The following CPEB3 variants were observed in gnomAD, a reference collection of about 807,000 sequenced individuals.
CPEB3 encodes cytoplasmic polyadenylation element binding protein 3.
A neutral mutation model predicts 67.2 loss-of-function variants in CPEB3; 20 were observed. The observed-to-expected ratio is 0.30, with a 90% confidence interval of 0.21 to 0.43. CPEB3 has a LOEUF of 0.43. Among genes scored for constraint, CPEB3 ranks in the 20% least tolerant of loss-of-function variants. The pLI, the probability that CPEB3 is intolerant of heterozygous loss-of-function variation, is 1.00. For synonymous variants in CPEB3, 376 were observed against 393.1 expected, an observed-to-expected ratio of 0.96 and a Z score of 0.51; for missense variants, 746 against 968.6, an observed-to-expected ratio of 0.77 and a Z score of 3.05.
rs1483297711 is a variant in CPEB3 at position 92,049,280 on chromosome 10, GAGGTT to G, written c.*2927_*2931del. On this transcript the variant is annotated 3_prime_UTR_variant, in exon 10 of 10. Transcript: ENST00000265997. ...GTATTGCACATAACAACAAATAGTC[GAGGTT>G]AGGTTATAGCCTTCAAAAAATCGAC... 1 of 150,922 alleles carries G rather than the reference GAGGTT, an allele frequency of 6.6e-6. No individual in the cohort carries two copies. The highest frequency in any genetic ancestry group is 1.5e-5 in the Non-Finnish European group (1 of 67,866). The allele number at this position is 150,922 out of a possible 1,614,324, so 9.3% of individuals were successfully genotyped here. A position where few individuals can be genotyped will look rare whatever the true frequency, so the allele number is the denominator to read the frequency against.
intron 2 of CPEB3, among the ~76,000 whole-genome samples, chr10:92,232,294 A>G (rs1202074864): frequency 1.3e-5 from 2 of 151,358 alleles, no homozygotes; most frequent in South Asian, 2.1e-4. Flanking sequence ...ACCTCAGGTG[A>G]TACACCCACC....
chr10:92,197,771 A>G (rs955704268), intron 2 of CPEB3, among the ~76,000 whole-genome samples: 2 of 152,200 alleles, frequency 1.3e-5, no homozygotes, highest in African/African-American at 4.8e-5. Context: ...TATATGCATT[A>G]TCTCACAGCC....
Position 92,081,505 on chromosome 10 carries a change from C to CA in CPEB3, c.1688-5dup, listed in dbSNP as rs536165859. ...TCCATGATCATTGCCAGTTCAACTG[C>CA]AAAAAAAAAACAAAACATGGATGTG... On this transcript the variant is annotated splice_region_variant and splice_polypyrimidine_tract_variant and intron_variant, in intron 8 of 9. Coordinates refer to ENST00000265997, the MANE Select transcript of CPEB3 (RefSeq NM_014912.5). 21,683 of 1,155,230 alleles carry CA rather than the reference C, an allele frequency of 0.019. 1 individual carries two copies. The highest frequency in any genetic ancestry group is 0.02 in the Admixed American group (789 of 38,566). The allele number at this position is 1,155,230 out of a possible 1,614,324, so 71.6% of individuals were successfully genotyped here. A position where few individuals can be genotyped will look rare whatever the true frequency, so the allele number is the denominator to read the frequency against.
chr10:92,136,838 C>T (rs9787645), intron 6 of CPEB3: 41,413 of 153,472 alleles, frequency 0.27, 5,673 homozygotes, highest in Middle Eastern at 0.33. Context: ...GGATTATAAG[C>T]GTGAGCCACC....
At chr10:92,160,224 G>A (rs1010594272) in intron 4 of CPEB3, among the ~76,000 whole-genome samples, 1 of 151,854 alleles carries the variant, frequency 6.6e-6, no homozygotes, top group African/African-American at 2.4e-5. Flanking sequence ...GGATTACAGG[G>A]GTGAGCCACC....
intron 9 of CPEB3, among the ~76,000 whole-genome samples, chr10:92,059,450 C>T (rs1283655581): frequency 1.3e-5 from 2 of 148,946 alleles, no homozygotes; most frequent in Non-Finnish European, 3.0e-5. Flanking sequence ...ATAATGAAAA[C>T]ACAACATACC....
intron 4 of CPEB3, among the ~76,000 whole-genome samples, chr10:92,157,964 G>T (rs571895960): frequency 4.4e-4 from 67 of 150,888 alleles, no homozygotes; most frequent in Non-Finnish European, 7.7e-4. Flanking sequence ...ACACACACAG[G>T]TATAAATACA....
At chr10:92,171,570 G>A (rs1057122783) in intron 4 of CPEB3, among the ~76,000 whole-genome samples, 2 of 152,192 alleles carry the variant, frequency 1.3e-5, no homozygotes. Context: ...ACAAAGGAAG[G>A]GGGGTAGAAT....
chr10:92,095,600 A>AT (rs11404019), intron 7 of CPEB3, among the ~76,000 whole-genome samples: 7,173 of 123,036 alleles, frequency 0.058, 239 homozygotes, highest in Non-Finnish European at 0.067. Flanking sequence ...ATATATATAT[A>AT]TTTTTTTTTT....
chr10:92,277,865 T>C (rs1279965504), intron 1 of CPEB3, among the ~76,000 whole-genome samples: 1 of 151,698 alleles, frequency 6.6e-6, no homozygotes, highest in Non-Finnish European at 1.5e-5. Flanking sequence ...TACTCCAGCC[T>C]GGGGGACAGA....
intron 4 of CPEB3, among the ~76,000 whole-genome samples, chr10:92,176,752 A>G (rs4933718): frequency 1.3e-5 from 2 of 152,228 alleles, no homozygotes; most frequent in Non-Finnish European, 1.5e-5. Context: ...AGGCACCAGT[A>G]TCCTTTTCTA....
intron 2 of CPEB3, among the ~76,000 whole-genome samples, chr10:92,208,832 T>C (rs1285318380): frequency 6.6e-6 from 1 of 152,016 alleles, no homozygotes; most frequent in East Asian, 1.9e-4. Context: ...TGACCCCAAA[T>C]GATTCACCAG....
chr10:92,250,867 T>G (rs913103893), intron 1 of CPEB3, among the ~76,000 whole-genome samples: 54 of 144,740 alleles, frequency 3.7e-4, no homozygotes, highest in African/African-American at 1.2e-3. Flanking sequence ...AATTTTTTTT[T>G]TTTTTTTTTT....
intron 1 of CPEB3, among the ~76,000 whole-genome samples, chr10:92,253,065 C>A (rs1182683065): frequency 6.6e-6 from 1 of 151,730 alleles, no homozygotes; most frequent in African/African-American, 2.4e-5. Flanking sequence ...ATAGTAATTG[C>A]CTTTACAGGG....
At chr10:92,257,426 C>T (rs1347551816) in intron 1 of CPEB3, among the ~76,000 whole-genome samples, 1 of 152,128 alleles carries the variant, frequency 6.6e-6, no homozygotes, top group East Asian at 1.9e-4. Flanking sequence ...CCCCAAGTAG[C>T]TGGGATTACA....
At chr10:92,090,787 A>G (rs1187665681) in intron 8 of CPEB3, among the ~76,000 whole-genome samples, 2 of 152,222 alleles carry the variant, frequency 1.3e-5, no homozygotes, top group Non-Finnish European at 2.9e-5. Flanking sequence ...TCACGTTTGA[A>G]TTAGCCCTTC....
chr10:92,231,655 G>A (rs1445468543), intron 2 of CPEB3, among the ~76,000 whole-genome samples: 1 of 152,114 alleles, frequency 6.6e-6, no homozygotes. Context: ...GTCCACTACT[G>A]TATGCTCCCC....
chr10:92,190,037 A>C (rs1205087030), intron 3 of CPEB3, among the ~76,000 whole-genome samples: 1 of 151,978 alleles, frequency 6.6e-6, no homozygotes, highest in Non-Finnish European at 1.5e-5. Flanking sequence ...CCAGCACTTT[A>C]GGAGGCCAAG....
At chr10:92,183,733 C>T (rs1035462420) in intron 3 of CPEB3, among the ~76,000 whole-genome samples, 1 of 152,024 alleles carries the variant, frequency 6.6e-6, no homozygotes, top group Admixed American at 6.6e-5. Flanking sequence ...AAACTTTAAC[C>T]AAGGAATATT....
Sources: allele counts gnomAD v4.1 joint callset (sites outside exome capture counted in the v4.1 genomes callset), GRCh38; gene constraint gnomAD v4.1.1; transcripts MANE v1.5; gene names NCBI Gene and HGNC (gene_info 2026-07-23, HGNC 2026-07-21).